The following SND1 variants were observed in gnomAD, a reference collection of about 807,000 sequenced individuals.
SND1 encodes staphylococcal nuclease domain-containing protein 1.
SND1 carries 38 observed loss-of-function variants against 121.7 expected under a neutral mutation model. The observed-to-expected ratio is 0.31, with a 90% CI of 0.24 to 0.41. SND1 has a LOEUF of 0.41. SND1 is among the 10% of genes least tolerant of loss of function. The probability of loss-of-function intolerance (pLI) is 1.00; values close to 1 mark genes in which losing one functional copy is unlikely to be tolerated. For synonymous variants in SND1, 401 were observed against 447.4 expected, an observed-to-expected ratio of 0.90 and a Z score of 1.31; for missense variants, 868 against 1,184.6, an observed-to-expected ratio of 0.73 and a Z score of 3.92.
chr7:127,700,517 C>T (rs542216364), intron 4 of SND1, among the ~76,000 whole-genome samples: 6 of 152,234 alleles, frequency 3.9e-5, no homozygotes, highest in Non-Finnish European at 5.9e-5. Context: ...TCAGATATAA[C>T]AGAGAAAGAG....
At chr7:127,815,055 G>A (rs1798407807) in intron 11 of SND1, among the ~76,000 whole-genome samples, 1 of 151,958 alleles carries the variant, frequency 6.6e-6, no homozygotes, top group Non-Finnish European at 1.5e-5. Flanking sequence ...ACTTTTACCT[G>A]AGCAGTTATC....
At chr7:128,020,399 G>A (rs1433510742) in intron 16 of SND1, among the ~76,000 whole-genome samples, 4 of 152,162 alleles carry the variant, frequency 2.6e-5, no homozygotes, top group African/African-American at 4.8e-5. Context: ...CCCTGCCGGC[G>A]CTCAGCAATT....
At chr7:127,697,960 T>C (rs185294432) in intron 3 of SND1, among the ~76,000 whole-genome samples, 57 of 152,336 alleles carry the variant, frequency 3.7e-4, no homozygotes, top group Non-Finnish European at 6.9e-4. Flanking sequence ...TATTCCCTCA[T>C]AGATGTCTTC....
chr7:127,813,731 T>A (rs994425289), intron 11 of SND1, among the ~76,000 whole-genome samples: 2 of 152,050 alleles, frequency 1.3e-5, no homozygotes, highest in African/African-American at 4.8e-5. Flanking sequence ...CTGGCTAATT[T>A]TTTATATTTT....
intron 15 of SND1, among the ~76,000 whole-genome samples, chr7:127,984,516 TTCA>T (rs1362360658): frequency 6.6e-6 from 1 of 152,212 alleles, no homozygotes; most frequent in East Asian, 1.9e-4. Context: ...GCCCTGACAG[TTCA>T]TCAACCATCT....
At chr7:127,756,984 G>A (rs192665780) in intron 10 of SND1, among the ~76,000 whole-genome samples, 3 of 152,238 alleles carry the variant, frequency 2.0e-5, no homozygotes, top group East Asian at 3.9e-4. Flanking sequence ...AATCTTAAAT[G>A]TAAATATATG....
chr7:127,875,736 T>C (rs1799676278), intron 12 of SND1, among the ~76,000 whole-genome samples: 1 of 152,206 alleles, frequency 6.6e-6, no homozygotes. Context: ...TTTAAATGCC[T>C]GTTCCATGGT....
At chr7:127,795,836 T>C (rs1798007852) in intron 10 of SND1, among the ~76,000 whole-genome samples, 1 of 151,912 alleles carries the variant, frequency 6.6e-6, no homozygotes, top group Non-Finnish European at 1.5e-5. Flanking sequence ...TTTTCTAATC[T>C]TTTATTTATT....
intron 16 of SND1, among the ~76,000 whole-genome samples, chr7:128,010,222 A>G (rs934039705): frequency 6.6e-6 from 1 of 152,208 alleles, no homozygotes; most frequent in Admixed American, 6.5e-5. Context: ...TAATGAATCC[A>G]TTCATTAGGA....
At chr7:127,652,922 G>T (rs1285154025) in intron 1 of SND1, among the ~76,000 whole-genome samples, 1 of 151,978 alleles carries the variant, frequency 6.6e-6, no homozygotes, top group African/African-American at 2.4e-5. Context: ...TTCTCACTCT[G>T]TGGCCCTCTT....
chr7:127,977,182 T>C (rs984867326), intron 15 of SND1, among the ~76,000 whole-genome samples: 2 of 152,174 alleles, frequency 1.3e-5, no homozygotes, highest in Admixed American at 6.5e-5. Context: ...ACCACCCCCA[T>C]TGGACGTTTT....
intron 14 of SND1, among the ~76,000 whole-genome samples, chr7:127,918,415 G>A (rs942690768): frequency 4.6e-5 from 7 of 151,852 alleles, no homozygotes; most frequent in Non-Finnish European, 1.0e-4. Flanking sequence ...TTCTTTATTC[G>A]AATTTTTTGT....
intron 16 of SND1, chr7:127,999,599 C>T (rs1399072020): frequency 6.6e-6 from 1 of 152,114 alleles, no homozygotes; most frequent in South Asian, 2.1e-4. Flanking sequence ...CTAGAAGGGT[C>T]CACAGTACTT....
At chr7:127,984,555 A>G (rs1414196936) in intron 15 of SND1, among the ~76,000 whole-genome samples, 1 of 152,204 alleles carries the variant, frequency 6.6e-6, no homozygotes. Flanking sequence ...TACGTTTTTC[A>G]GAACTATTTT....
intron 16 of SND1, among the ~76,000 whole-genome samples, chr7:128,032,503 C>T (rs1052683971): frequency 2.6e-5 from 4 of 151,482 alleles, no homozygotes; most frequent in Non-Finnish European, 5.9e-5. Context: ...TGGAGCGGCG[C>T]GGGGCTGCGG....
At chr7:127,666,528 G>C (rs1330287262) in intron 1 of SND1, among the ~76,000 whole-genome samples, 3 of 151,934 alleles carry the variant, frequency 2.0e-5, no homozygotes, top group African/African-American at 7.3e-5. Flanking sequence ...ACTTTCATTT[G>C]AAATCTCTGC....
chr7:127,718,967 T>C (rs1276683658), intron 9 of SND1, among the ~76,000 whole-genome samples: 1 of 152,206 alleles, frequency 6.6e-6, no homozygotes, highest in Non-Finnish European at 1.5e-5. Context: ...GTGCCTTTGA[T>C]ACATCATCTG....
chr7:127,821,735 G>A (rs1011091225), intron 11 of SND1, among the ~76,000 whole-genome samples: 13 of 151,468 alleles, frequency 8.6e-5, no homozygotes, highest in South Asian at 2.1e-4. Context: ...AAATAGCTGC[G>A]TAGAAAGCAC....
chr7:127,791,141 C>CTTT (rs66878881), intron 10 of SND1, among the ~76,000 whole-genome samples: 18 of 110,846 alleles, frequency 1.6e-4, no homozygotes, highest in South Asian at 2.8e-4. Flanking sequence ...TTTACCTCTC[C>CTTT]TTTTTTTTTT....
Sources: allele counts gnomAD v4.1 joint callset (sites outside exome capture counted in the v4.1 genomes callset), GRCh38; gene constraint gnomAD v4.1.1; transcripts MANE v1.5; gene names NCBI Gene and HGNC (gene_info 2026-07-23, HGNC 2026-07-21).